The following LY75 variants were observed in gnomAD, a reference collection of about 807,000 sequenced individuals.
The protein encoded by LY75 is C-type lectin domain family 13 member B.
LY75 carries 185 observed loss-of-function variants against 231.7 expected under a neutral mutation model. That is an observed-to-expected ratio of 0.80 (90% CI 0.71 to 0.90). LY75 has a LOEUF of 0.90. LY75 is among the 40% of genes least tolerant of loss of function. The probability of loss-of-function intolerance (pLI) is 0.00; values close to 1 mark genes in which losing one functional copy is unlikely to be tolerated. For synonymous variants in LY75, 668 were observed against 689.0 expected, an observed-to-expected ratio of 0.97 and a Z score of 0.48; for missense variants, 1,947 against 2,050.2, an observed-to-expected ratio of 0.95 and a Z score of 0.97.
At chr2:159,852,964 G>A (rs1313399610) in intron 20 of LY75, among the ~76,000 whole-genome samples, 2 of 152,148 alleles carry the variant, frequency 1.3e-5, no homozygotes, top group East Asian at 1.9e-4. Context: ...TAATCAGGGG[G>A]AGGGGACTTA....
At position 159,860,800 on chromosome 2, in the gene LY75, A is replaced by T. The variant is rs1684679358; in HGVS notation, c.2268+21T>A. The T allele has an allele frequency of 5.0e-6, 8 of 1,613,406 alleles. No individual in the cohort carries two copies. In the East Asian group the frequency reaches 1.3e-4, roughly 27 times the overall value. ...ATGGACTTATGTTTTAAATATGCAGATTTTCCAGCATTGTACTGACCTTGA... is the reference window on the plus strand; with the variant it reads ...ATGGACTTATGTTTTAAATATGCAGTTTTTCCAGCATTGTACTGACCTTGA... On this transcript the variant is annotated intron_variant, in intron 15 of 34. Coordinates refer to ENST00000263636, the MANE Select transcript of LY75 (RefSeq NM_002349.4).
At chr2:159,835,986 G>A (rs889390425) in intron 25 of LY75, among the ~76,000 whole-genome samples, 1 of 152,152 alleles carries the variant, frequency 6.6e-6, no homozygotes, top group Non-Finnish European at 1.5e-5. Flanking sequence ...TAACCATTAT[G>A]CTACGCTGCC....
Position 159,830,903 on chromosome 2 carries a change from C to T in LY75, c.3958+767G>A, listed in dbSNP as rs181690394. ...GGCCATGTGTCTCATTTTTCTAATGCTTATCATATGTGGGCCAGTATAAAC... is the reference window on the plus strand; with the variant it reads ...GGCCATGTGTCTCATTTTTCTAATGTTTATCATATGTGGGCCAGTATAAAC... On this transcript the variant is annotated intron_variant, in intron 28 of 34. Transcript: ENST00000263636. Among the ~76,000 whole-genome samples, 693 of 152,252 alleles carry T rather than the reference C, an allele frequency of 4.6e-3. 2 individuals are homozygous for T. Among genetic ancestry groups the T allele is most frequent in the African/African-American group, 0.016 (655 of 41,560 alleles).
rs1453869359 is a variant in LY75 at position 159,856,786 on chromosome 2, AT to A, written c.2383+1575del. 2.8e-4 allele frequency among the ~76,000 whole-genome samples: 43 copies of A among 152,152 alleles called. 1 individual carries two copies. The highest frequency in any genetic ancestry group is 3.8e-4 in the Non-Finnish European group (26 of 68,026). On this transcript the variant is annotated intron_variant, in intron 16 of 34. Transcript: ENST00000263636. ...TAATTCCTTTCTCTCTTGTTAAAAA[AT>A]ATATATTAAAAAAAATATATATACA...
At position 159,874,600 on chromosome 2, in the gene LY75, T is replaced by TATATATTTTGTAAATATATATAAAG. The variant is rs1560093745; in HGVS notation, c.1974+843_1974+844insCTTTATATATATTTACAAAATATAT. Among the ~76,000 whole-genome samples the TATATATTTTGTAAATATATATAAAG allele has an allele frequency of 6.4e-4, 29 of 45,562 alleles. 6 individuals carry two copies. The highest frequency in any genetic ancestry group is 0.053 in the Middle Eastern group (2 of 38). The allele number at this position is 45,562 out of a possible 152,430, so 29.9% of individuals were successfully genotyped here. A position where few individuals can be genotyped will look rare whatever the true frequency, so the allele number is the denominator to read the frequency against. The stretch of plus-strand genomic sequence containing the variant: ...TACATATTTTGTAAATATATATAAA[T>TATATATTTTGTAAATATATATAAAG]ATATATATTTTGTAAATATATATAT... On this transcript the variant is annotated intron_variant, in intron 12 of 34. Transcript: ENST00000263636.
intron 28 of LY75, among the ~76,000 whole-genome samples, chr2:159,826,190 T>A (rs1198776684): frequency 6.6e-6 from 1 of 152,140 alleles, no homozygotes; most frequent in Admixed American, 6.5e-5. Flanking sequence ...ATGACATGAT[T>A]GTATATTTAG....
At chr2:159,827,659 G>A (rs1252356242) in intron 28 of LY75, among the ~76,000 whole-genome samples, 2 of 152,158 alleles carry the variant, frequency 1.3e-5, no homozygotes, top group African/African-American at 2.4e-5. Context: ...GTATGCACAC[G>A]TATGTTTATT....
Position 159,852,249 on chromosome 2 carries a change from A to G in LY75, c.2835T>C (p.Ser945=), listed in dbSNP as rs1684420678. ...GCTCAGAACATTGCACTTTAGCTGC[A>G]GAATCTGGGCTGTATTTCTCTAACG... is the stretch of plus-strand genomic sequence containing the variant. ...VSSLEKYSPD[S]AAKVQCSEQW... The change falls in exon 21 of 35, where the codon TCT becomes TCC. Residue 945 remains serine, a synonymous_variant. Coordinates refer to ENST00000263636, the MANE Select transcript of LY75 (RefSeq NM_002349.4). 5 of 1,614,082 alleles carry G rather than the reference A, an allele frequency of 3.1e-6. No individual in the cohort carries two copies. Among genetic ancestry groups the G allele is most frequent in the African/African-American group, 1.3e-5 (1 of 75,042 alleles).
At chr2:159,864,706 G>C in intron 14 of LY75, 133 bp downstream of exon 14, 1 of 854,304 alleles carries the variant, frequency 1.2e-6, no homozygotes, top group Non-Finnish European at 1.7e-6. Context: ...TTTTGCTCAA[G>C]ATTTCTTTGG....
At chr2:159,820,381 C>A (rs1243137431) in intron 28 of LY75, among the ~76,000 whole-genome samples, 3 of 152,156 alleles carry the variant, frequency 2.0e-5, no homozygotes, top group African/African-American at 7.2e-5. Context: ...TAATGGCATT[C>A]GCAGCAACCT....
chr2:159,900,878 GC>G (rs1686055102), intron 1 of LY75, among the ~76,000 whole-genome samples: 1 of 151,912 alleles, frequency 6.6e-6, no homozygotes, highest in Non-Finnish European at 1.5e-5. Context: ...TTGCTCTGTT[GC>G]CCAGGCTGGA....
chr2:159,852,392 A>T, intron 20 of LY75, 52 bp from the exon 21 acceptor site: 8 of 1,550,584 alleles, frequency 5.2e-6, no homozygotes, highest in African/African-American at 2.8e-5. Context: ...CAGTCAGTAC[A>T]TTTTTATTTT....
At chr2:159,838,427 A>G (rs894217602) in intron 25 of LY75, among the ~76,000 whole-genome samples, 6 of 152,212 alleles carry the variant, frequency 3.9e-5, no homozygotes, top group African/African-American at 1.4e-4. Context: ...TCTGATTCCA[A>G]CTGTCTAAAA....
chr2:159,875,702 T>C (rs1013164032), intron 11 of LY75, 59 bp from the exon 12 acceptor site: 1 of 1,596,472 alleles, frequency 6.3e-7, no homozygotes, highest in Non-Finnish European at 8.5e-7. Flanking sequence ...AAACATTTTC[T>C]AGTGTTTCTA....
chr2:159,878,342 A>T lies in LY75; in HGVS notation c.1756T>A (p.Trp586Arg), dbSNP rs1285541496. ...CACTCACCTGGCTCAAGAAAATTCC[A>T]GTTGGAAAAGGTTACAGCCCGCCTT... is the stretch of plus-strand genomic sequence containing the variant. ...GRRRAVTFSN[W>R]NFLEPASPGG... Residue 586 changes from tryptophan (W) to arginine (R), a missense_variant, in exon 11 of 35, where the codon TGG (tryptophan) becomes AGG (arginine). Physicochemically the swap from Trp to Arg is moderately radical, Grantham distance 101. Transcript: ENST00000263636. The T allele has an allele frequency of 1.2e-6, 2 of 1,613,778 alleles. No homozygotes were observed. Among genetic ancestry groups the T allele is most frequent in the Non-Finnish European group, 1.7e-6 (2 of 1,179,922 alleles).
chr2:159,860,885 G>C lies in LY75; in HGVS notation c.2204C>G (p.Ser735Cys). Residue 735 changes from serine to cysteine, a missense_variant, in exon 15 of 35, where the codon TCT (serine) becomes TGT (cysteine). By Grantham distance (112) the Ser-to-Cys change is moderately radical. Coordinates refer to ENST00000263636, the MANE Select transcript of LY75 (RefSeq NM_002349.4). ...AAACTCATTTGGCATGATAATAGTA[G>C]ACACCTGAAAAGACAAGAGAGGCTT... is the stretch of plus-strand genomic sequence containing the variant. ...SWQWSDRTPV[S>C]TIIMPNEFQQ... 6.2e-7 allele frequency: 1 copy of C among 1,613,894 alleles called. No homozygotes were observed. Among genetic ancestry groups the C allele is most frequent in the Non-Finnish European group, 8.5e-7 (1 of 1,179,858 alleles).
intron 6 of LY75, 130 bp downstream of exon 6, chr2:159,885,023 T>A: frequency 8.0e-7 from 1 of 1,246,020 alleles, no homozygotes; most frequent in African/African-American, 1.5e-5. Context: ...AAAAATCAAG[T>A]ACTTTTCTGT....
intron 4 of LY75, among the ~76,000 whole-genome samples, chr2:159,888,598 GTTA>G (rs1474336807): frequency 6.6e-6 from 1 of 152,142 alleles, no homozygotes; most frequent in African/African-American, 2.4e-5. Context: ...AATATTTCCA[GTTA>G]TTATAAAATA....
rs1488252333 is a variant in LY75 at position 159,875,495 on chromosome 2, G to T, written c.1923C>A (p.Asp641Glu). Residue 641 changes from aspartate to glutamate, a missense_variant, in exon 12 of 35, where the codon GAC (aspartate) becomes GAA (glutamate). Asp to Glu is a conservative substitution (Grantham distance 45). Coordinates refer to ENST00000263636, the MANE Select transcript of LY75 (RefSeq NM_002349.4). ...AACTCTGCCAGCCTTCAGGACAGGGGTCATCAGGCTTAGGGGATGCTTCTT... is the reference window on the plus strand; with the variant it reads ...AACTCTGCCAGCCTTCAGGACAGGGTTCATCAGGCTTAGGGGATGCTTCTT... ...GPEEASPKPDDPCPEGWQSFP... is the reference protein window; with the variant it reads ...GPEEASPKPDEPCPEGWQSFP... The T allele has an allele frequency of 3.7e-6, 6 of 1,614,044 alleles. No homozygotes were observed. The highest frequency in any genetic ancestry group is 5.1e-6 in the Non-Finnish European group (6 of 1,179,984).
Sources: allele counts gnomAD v4.1 joint callset (sites outside exome capture counted in the v4.1 genomes callset), GRCh38; gene constraint gnomAD v4.1.1; transcripts MANE v1.5; gene names NCBI Gene and HGNC (gene_info 2026-07-23, HGNC 2026-07-21).